ACAT1: variants seen among roughly 807,000 people sequenced by gnomAD.
ACAT1 encodes the protein acetyl-CoA acetyltransferase, mitochondrial.
ACAT1 carries 28 observed loss-of-function variants against 47.3 expected under a neutral mutation model. That is an observed-to-expected ratio of 0.59 (90% CI 0.44 to 0.81). The LOEUF is 0.81. ACAT1 is among the 30% of genes least tolerant of loss of function. ACAT1 has a pLI of 0.00. For synonymous variants in ACAT1, 181 were observed against 173.6 expected (o/e 1.04, Z -0.34); for missense variants, 469 against 524.3 (o/e 0.89, Z 1.03).
rs1319252369 is a variant in ACAT1, at chr11:108,135,189, T to G, written c.382T>G (p.Ser128Ala). ...PCTTINKVCA[S>A]GMKAIMMASQ... is the part of the protein sequence containing the mutation. ...TACCACCATAAACAAAGTTTGTGCTTCAGGAATGAAAGCCATCATGATGGC... is the reference window on the plus strand; with the variant it reads ...TACCACCATAAACAAAGTTTGTGCTGCAGGAATGAAAGCCATCATGATGGC... Residue 128 changes from serine to alanine, a missense_variant, in exon 5 of 12, where the codon TCA becomes GCA. Ser to Ala is a moderately conservative substitution (Grantham distance 99, BLOSUM62 1). Coordinates refer to ENST00000265838, the MANE Select transcript of ACAT1 (RefSeq NM_000019.4). 6.2e-6 allele frequency: 10 copies of G among 1,613,824 alleles called. No homozygotes were observed. Among genetic ancestry groups the G allele is most frequent in the Non-Finnish European group, 8.5e-6 (10 of 1,179,912 alleles).
chr11:108,146,341 C>G lies in ACAT1; in HGVS notation c.1145C>G (p.Ser382Cys). ...GTGAATATCAATGGAGGAGCTGTTT[C>G]TCTGGGACATCCAATTGGGTAGGTA... ...QKVNINGGAV[S>C]LGHPIGMSGA... Residue 382 changes from serine to cysteine, a missense_variant, in exon 11 of 12, where the codon TCT becomes TGT. Coordinates refer to ENST00000265838, the MANE Select transcript of ACAT1 (RefSeq NM_000019.4). 2 of 1,613,962 alleles carry G rather than the reference C, an allele frequency of 1.2e-6. No individual in the cohort carries two copies. The highest frequency in any genetic ancestry group is 1.7e-6 in the Non-Finnish European group (2 of 1,179,942).
intron 1 of ACAT1, among the ~76,000 whole-genome samples, chr11:108,125,113 G>T (rs928818043): frequency 4.6e-5 from 7 of 152,136 alleles, no homozygotes; most frequent in African/African-American, 1.4e-4. Context: ...AATAAAATCA[G>T]TCTCTTCTTG....
intron 2 of ACAT1, 88 bp from the exon 3 acceptor site, chr11:108,133,732 T>C: frequency 1.9e-6 from 2 of 1,064,086 alleles, no homozygotes; most frequent in South Asian, 2.6e-5. Context: ...TTCATAGAAG[T>C]GTTTTTTTGA....
At chr11:108,139,785 C>T (rs758329913) in intron 6 of ACAT1, among the ~76,000 whole-genome samples, 24 of 152,106 alleles carry the variant, frequency 1.6e-4, no homozygotes, top group Admixed American at 7.9e-4. Context: ...CTCAGGCTCC[C>T]GAGTAGCTGG....
At chr11:108,136,903 T>C (rs1309442707) in intron 5 of ACAT1, 4 of 152,236 alleles carry the variant, frequency 2.6e-5, no homozygotes, top group Non-Finnish European at 5.9e-5. Flanking sequence ...GCTTTATGTT[T>C]ACATTAATGT....
intron 1 of ACAT1, chr11:108,128,633 T>C (rs113438050): frequency 4.1e-4 from 62 of 152,356 alleles, no homozygotes; most frequent in African/African-American, 1.4e-3. Flanking sequence ...GTTTTTACTT[T>C]GTTTTTTAGG....
intron 9 of ACAT1, 158 bp downstream of exon 9, chr11:108,142,708 G>A: frequency 1.6e-6 from 1 of 641,238 alleles, no homozygotes; most frequent in Non-Finnish European, 2.8e-6. Flanking sequence ...ATGGTGGCAT[G>A]TGCCTGTACT....
intron 1 of ACAT1, among the ~76,000 whole-genome samples, chr11:108,122,294 G>A (rs1192151786): frequency 2.0e-5 from 3 of 152,248 alleles, no homozygotes; most frequent in African/African-American, 4.8e-5. Flanking sequence ...TCTGACCGTT[G>A]TGTTTAGGGA....
intron 4 of ACAT1, 68 bp from the exon 5 acceptor site, chr11:108,135,074 A>C (rs932964718): frequency 1.2e-4 from 129 of 1,034,822 alleles, no homozygotes; most frequent in Non-Finnish European, 1.9e-4. Context: ...TTATAGTAAC[A>C]TGCTCTATTA....
intron 2 of ACAT1, among the ~76,000 whole-genome samples, chr11:108,133,067 C>A (rs1242374351): frequency 6.6e-6 from 1 of 151,876 alleles, no homozygotes; most frequent in Non-Finnish European, 1.5e-5. Context: ...TGCCTGTAAT[C>A]CCAACTACTC....
At chr11:108,140,367 C>G in intron 7 of ACAT1, 152 bp downstream of exon 7, 1 of 878,440 alleles carries the variant, frequency 1.1e-6, no homozygotes, top group Non-Finnish European at 1.8e-6. Flanking sequence ...GAATATAAAT[C>G]TACCCAACTT....
chr11:108,132,324 A>G (rs1270007376), intron 2 of ACAT1, among the ~76,000 whole-genome samples: 1 of 152,182 alleles, frequency 6.6e-6, no homozygotes, highest in Admixed American at 6.6e-5. Flanking sequence ...GAGGGCCATT[A>G]CAGCATCTCC....
chr11:108,117,964 A>T (rs1864984117), upstream of ACAT1, among the ~76,000 whole-genome samples: 1 of 152,176 alleles, frequency 6.6e-6, no homozygotes, highest in Admixed American at 6.5e-5. Flanking sequence ...TTGCCACTAG[A>T]TGGAGGTATT....
intron 1 of ACAT1, chr11:108,129,188 C>T (rs762029128): frequency 3.9e-5 from 6 of 152,150 alleles, no homozygotes; most frequent in Non-Finnish European, 7.3e-5. Context: ...GTCTCCAATT[C>T]CATCCAGGTT....
At chr11:108,147,123 C>T in intron 11 of ACAT1, 147 bp from the exon 12 acceptor site, 1 of 943,946 alleles carries the variant, frequency 1.1e-6, no homozygotes, top group Non-Finnish European at 1.6e-6. Context: ...ACAAGTCCTC[C>T]AAGTTTTAGT....
At chr11:108,122,624 A>T (rs1319342762) in intron 1 of ACAT1, among the ~76,000 whole-genome samples, 2 of 152,224 alleles carry the variant, frequency 1.3e-5, no homozygotes, top group Admixed American at 1.3e-4. Context: ...TTTGCAAGAG[A>T]TTGTAAAAGA....
rs2077527784 is a variant in ACAT1, at chr11:108,139,011, GCTAA to G, written c.552_555del (p.Thr185MetfsTer19). 6.2e-7 allele frequency: 1 copy of G among 1,613,942 alleles called. No homozygotes were observed. The highest frequency in any genetic ancestry group is 8.5e-7 in the Non-Finnish European group (1 of 1,180,000). On this transcript the variant is annotated frameshift_variant, in exon 6 of 12. Transcript: ENST00000265838. LOFTEE classifies it high-confidence loss of function. ...TTGAAGATTTGATTGTAAAAGACGG[GCTAA>G]CTGATGTCTACAATAAAATTCATAT...
chr11:108,131,878 T>C (rs770692776), intron 1 of ACAT1, 29 bp from the exon 2 acceptor site: 13 of 1,076,036 alleles, frequency 1.2e-5, no homozygotes, highest in East Asian at 2.7e-5. Context: ...ATTTTTTACA[T>C]TATAACATTA....
chr11:108,143,918 G>C, intron 9 of ACAT1, 65 bp from the exon 10 acceptor site: 1 of 1,573,236 alleles, frequency 6.4e-7, no homozygotes, highest in Non-Finnish European at 8.6e-7. Context: ...AACTTGGCTT[G>C]TGCATATTCT....
Sources: gnomAD v4.1 joint callset for allele counts (sites outside exome capture counted in the v4.1 genomes callset) on GRCh38, gnomAD v4.1.1 for gene constraint, MANE v1.5 for transcripts, NCBI Gene and HGNC (gene_info 2026-07-23, HGNC 2026-07-21) for gene names.